LRRC8D: variants seen among roughly 807,000 people sequenced by gnomAD.
LRRC8D encodes leucine rich repeat containing 8 VRAC subunit D.
A neutral mutation model predicts 55.8 loss-of-function variants in LRRC8D; 20 were observed. The observed-to-expected ratio is 0.36, with a 90% confidence interval of 0.25 to 0.52. The LOEUF (loss-of-function observed/expected upper bound fraction) is 0.52. Among genes scored for constraint, LRRC8D ranks in the 20% least tolerant of loss-of-function variants. The probability of loss-of-function intolerance (pLI) is 0.93; values close to 1 mark genes in which losing one functional copy is unlikely to be tolerated. For missense variants in LRRC8D, 651 were observed against 1,030.8 expected, an observed-to-expected ratio of 0.63 and a Z score of 5.05; for synonymous variants, 352 against 377.0, an observed-to-expected ratio of 0.93 and a Z score of 0.77.
chr1:89,935,554 T>G lies in LRRC8D; in HGVS notation c.2486T>G (p.Val829Gly). The G allele has an allele frequency of 6.2e-7, 1 of 1,614,212 alleles. No homozygotes were observed. The highest frequency in any genetic ancestry group is 8.5e-7 in the Non-Finnish European group (1 of 1,180,040). Residue 829 changes from valine (V) to glycine (G), a missense_variant, in exon 3 of 3, where the codon GTT becomes GGT. By Grantham distance (109) the Val-to-Gly change is moderately radical. This residue lies in a region of LRRC8D where 338 missense variants were observed against 479.4 expected (regional missense o/e 0.71). Transcript: ENST00000337338. ...CGGATGCTCAAGAAAAGCGGGCTTG[T>G]TGTGGAAGATCACCTTTTTGATACC... is the stretch of plus-strand genomic sequence containing the variant. ...QCRMLKKSGL[V>G]VEDHLFDTLP...
chr1:89,856,144 T>C lies in LRRC8D; in HGVS notation c.-3+12362T>C, dbSNP rs117851718. On this transcript the variant is annotated intron_variant, in intron 2 of 2. Coordinates refer to ENST00000337338, the MANE Select transcript of LRRC8D (RefSeq NM_001134479.2). The stretch of plus-strand genomic sequence containing the variant: ...TATACAGCAATGGAAAATAGCCTTC[T>C]TGGGCATTAAATTTAGGAAGAATGT... Among the ~76,000 whole-genome samples, 109 of 152,302 alleles carry C rather than the reference T, an allele frequency of 7.2e-4. No homozygotes were observed. The East Asian group carries it at 0.019, about 26-fold the overall frequency.
At chr1:89,844,852 G>A (rs138516812) in intron 2 of LRRC8D, among the ~76,000 whole-genome samples, 157 of 152,280 alleles carry the variant, frequency 1.0e-3, no homozygotes, top group African/African-American at 3.7e-3. Flanking sequence ...TGGGATGGCT[G>A]AGAATAATCA....
At chr1:89,892,741 C>T (rs907494993) in intron 2 of LRRC8D, among the ~76,000 whole-genome samples, 4 of 152,098 alleles carry the variant, frequency 2.6e-5, no homozygotes, top group Non-Finnish European at 4.4e-5. Context: ...AGGATGGTCT[C>T]GATCTTCTGA....
intron 2 of LRRC8D, chr1:89,846,739 G>GT (rs1390631695): frequency 1.3e-5 from 2 of 151,744 alleles, no homozygotes; most frequent in African/African-American, 4.8e-5. Context: ...AGATTTAGCT[G>GT]TGTTTGCACC....
At chr1:89,932,143 A>G (rs1004392244) in intron 2 of LRRC8D, among the ~76,000 whole-genome samples, 2 of 152,208 alleles carry the variant, frequency 1.3e-5, no homozygotes, top group Non-Finnish European at 2.9e-5. Context: ...CTGTCAGCTG[A>G]TAGTGAATAA....
chr1:89,868,481 A>G (rs181672309), intron 2 of LRRC8D, among the ~76,000 whole-genome samples: 18 of 152,296 alleles, frequency 1.2e-4, no homozygotes, highest in East Asian at 1.9e-4. Context: ...TGTGAATTCC[A>G]TGACACGAAT....
chr1:89,930,275 A>C (rs1347681543), intron 2 of LRRC8D, among the ~76,000 whole-genome samples: 1 of 151,480 alleles, frequency 6.6e-6, no homozygotes, highest in East Asian at 1.9e-4. Context: ...GCTCACTGCA[A>C]CCTCCTCCTC....
At chr1:89,916,912 G>A (rs1444325505) in intron 2 of LRRC8D, among the ~76,000 whole-genome samples, 1 of 152,128 alleles carries the variant, frequency 6.6e-6, no homozygotes, top group Admixed American at 6.5e-5. Context: ...TATGTACCTT[G>A]TCACAGTGGG....
At chr1:89,871,054 C>G (rs1187182374) in intron 2 of LRRC8D, among the ~76,000 whole-genome samples, 2 of 152,134 alleles carry the variant, frequency 1.3e-5, no homozygotes, top group Admixed American at 6.5e-5. Flanking sequence ...GGTGAAGTTA[C>G]TTCCTGTGGT....
At chr1:89,857,734 A>G (rs1286716492) in intron 2 of LRRC8D, among the ~76,000 whole-genome samples, 1 of 152,208 alleles carries the variant, frequency 6.6e-6, no homozygotes, top group Non-Finnish European at 1.5e-5. Flanking sequence ...TTCTGTGCCT[A>G]CACAATGAAA....
intron 1 of LRRC8D, among the ~76,000 whole-genome samples, chr1:89,840,444 A>G (rs1661106322): frequency 6.6e-6 from 1 of 152,198 alleles, no homozygotes; most frequent in Non-Finnish European, 1.5e-5. Flanking sequence ...AATATTTTTG[A>G]TAAGGAGGAG....
At chr1:89,851,838 C>T (rs1294042560) in intron 2 of LRRC8D, among the ~76,000 whole-genome samples, 1 of 152,050 alleles carries the variant, frequency 6.6e-6, no homozygotes, top group African/African-American at 2.4e-5. Flanking sequence ...TGTGATGAAA[C>T]CATGTTGTGT....
intron 2 of LRRC8D, among the ~76,000 whole-genome samples, chr1:89,885,164 A>G (rs1325067527): frequency 6.6e-6 from 1 of 152,192 alleles, no homozygotes; most frequent in Admixed American, 6.5e-5. Flanking sequence ...ATCCTCTGAA[A>G]TCTGGCAAAA....
intron 2 of LRRC8D, among the ~76,000 whole-genome samples, chr1:89,896,210 CT>C (rs1662708205): frequency 6.6e-6 from 1 of 151,938 alleles, no homozygotes; most frequent in African/African-American, 2.4e-5. Flanking sequence ...TGAAGACTCC[CT>C]TGTGGGTGAG....
At chr1:89,839,602 A>T (rs141632367) in intron 1 of LRRC8D, among the ~76,000 whole-genome samples, 2 of 152,306 alleles carry the variant, frequency 1.3e-5, no homozygotes, top group East Asian at 3.9e-4. Flanking sequence ...CAATCAGGCC[A>T]GCCAGTTGGC....
At chr1:89,843,158 A>C (rs549936051) in intron 1 of LRRC8D, 2 of 152,644 alleles carry the variant, frequency 1.3e-5, no homozygotes. Context: ...AAAAATTTGC[A>C]TAAATCCAGC....
Position 89,874,443 on chromosome 1 carries a change from T to TTG in LRRC8D, c.-3+30698_-3+30699dup, listed in dbSNP as rs36202085. Among the ~76,000 whole-genome samples, 1,175 of 146,374 alleles carry TTG rather than the reference T, an allele frequency of 8.0e-3. 7 individuals are homozygous for TTG. The highest frequency in any genetic ancestry group is 0.014 in the Middle Eastern group (4 of 286). On this transcript the variant is annotated intron_variant, in intron 2 of 2. Transcript: ENST00000337338. Reference sequence around the variant, plus strand: ...TATTCCTTGAGAAGTAAGAAACTATTTGTGTGTGTGTGTGTGTGTGTGTGT... The same window carrying TTG: ...TATTCCTTGAGAAGTAAGAAACTATTTGTGTGTGTGTGTGTGTGTGTGTGTGT...
intron 2 of LRRC8D, among the ~76,000 whole-genome samples, chr1:89,851,499 T>C (rs1661416836): frequency 6.6e-6 from 1 of 151,984 alleles, no homozygotes; most frequent in Admixed American, 6.6e-5. Context: ...TATTTTCCCC[T>C]TGTCTTTCTT....
At chr1:89,916,504 AAATGTTTTTT>A in intron 2 of LRRC8D, among the ~76,000 whole-genome samples, 1 of 152,200 alleles carries the variant, frequency 6.6e-6, no homozygotes, top group Non-Finnish European at 1.5e-5. Context: ...TTTAGCTCTA[AAATGTTTTTT>A]AATGTCAATA....
Sources: allele counts gnomAD v4.1 joint callset (sites outside exome capture counted in the v4.1 genomes callset), GRCh38; gene constraint gnomAD v4.1.1; regional missense constraint gnomAD v4.1.1; transcripts MANE v1.5; gene names NCBI Gene and HGNC (gene_info 2026-07-23, HGNC 2026-07-21).